The following KNL1 variants were observed in gnomAD, a reference collection of about 807,000 sequenced individuals.
The protein encoded by KNL1 is outer kinetochore KNL1 complex subunit KNL1.
In KNL1, 66 loss-of-function variants were observed where a neutral mutation model predicts 201.3. The ratio of observed to expected loss-of-function variants is 0.33; its 90% CI spans 0.27 to 0.40. KNL1 has a LOEUF of 0.40. Ranked by LOEUF, KNL1 falls within the 10% of genes least tolerant of loss-of-function variation. KNL1 has a pLI of 1.00. For synonymous variants in KNL1, 895 were observed against 899.2 expected (o/e 1.00, Z 0.08); for missense variants, 2,815 against 2,690.5 (o/e 1.05, Z -1.02).
In KNL1 at chr15:40,662,144, C is replaced by A. The variant is rs1435564975; in HGVS notation, c.6907C>A (p.Gln2303Lys). ...ENNYLKNVVK[Q>K]IYQDLFQDCH... ...CAACTACCTGAAGAATGTAGTCAAG[C>A]AAATTTACCAAGATCTGTTTCAGGA... is the stretch of plus-strand genomic sequence containing the variant. Residue 2303 changes from glutamine (Q) to lysine (K), a missense_variant, in exon 26 of 26, where the codon CAA becomes AAA. Coordinates refer to ENST00000399668, the MANE Select transcript of KNL1 (RefSeq NM_144508.5). The A allele has an allele frequency of 1.2e-6, 2 of 1,612,188 alleles. No individual in the cohort carries two copies. The highest frequency in any genetic ancestry group is 1.7e-6 in the Non-Finnish European group (2 of 1,178,404).
chr15:40,600,479 C>T (rs954667246), intron 1 of KNL1, among the ~76,000 whole-genome samples: 1 of 152,174 alleles, frequency 6.6e-6, no homozygotes, highest in Admixed American at 6.6e-5. Flanking sequence ...ATTTTGATCT[C>T]CCATGGTGGG....
intron 22 of KNL1, 146 bp from the exon 23 acceptor site, chr15:40,656,896 A>G (rs1893749840): frequency 4.6e-6 from 2 of 439,330 alleles, no homozygotes; most frequent in African/African-American, 2.0e-5. Flanking sequence ...CCAGAAAAAA[A>G]AAGAAAAAGA....
At chr15:40,608,252 T>A (rs1056810945) in intron 4 of KNL1, among the ~76,000 whole-genome samples, 6 of 151,714 alleles carry the variant, frequency 4.0e-5, no homozygotes, top group African/African-American at 1.5e-4. Context: ...GGCGGGAGGA[T>A]CACTTGAGGT....
chr15:40,622,713 G>A lies in KNL1; in HGVS notation c.2449G>A (p.Gly817Arg). The part of the protein sequence containing the change: ...KCGKSPIEKS[G>R]VLKSNCIMDV... ...TGGTAAAAGTCCCATAGAAAAAAGT[G>A]GAGTGCTTAAATCTAACTGTATTAT... Residue 817 changes from glycine (G) to arginine (R), a missense_variant, in exon 10 of 26, where the codon GGA becomes AGA. Around this residue, in one of 3 missense-constraint regions of KNL1, gnomAD observed 2,464 missense variants for 2,291.7 expected, o/e 1.08. Transcript: ENST00000399668. 6.3e-7 allele frequency: 1 copy of A among 1,591,180 alleles called. No individual in the cohort carries two copies. The highest frequency in any genetic ancestry group is 1.4e-5 in the African/African-American group (1 of 73,676).
At chr15:40,661,737 A>AT (rs1893914056) in intron 25 of KNL1, among the ~76,000 whole-genome samples, 1 of 151,850 alleles carries the variant, frequency 6.6e-6, no homozygotes, top group Admixed American at 6.6e-5. Flanking sequence ...CAAGTGTAAG[A>AT]TTTTTTAAAA....
At chr15:40,629,819 G>A (rs940762967) in intron 13 of KNL1, among the ~76,000 whole-genome samples, 6 of 151,966 alleles carry the variant, frequency 3.9e-5, no homozygotes, top group African/African-American at 1.2e-4. Flanking sequence ...TCTTATAGTA[G>A]AGAGATTTGT....
intron 1 of KNL1, among the ~76,000 whole-genome samples, chr15:40,600,461 G>A (rs759696164): frequency 6.6e-6 from 1 of 152,202 alleles, no homozygotes; most frequent in Non-Finnish European, 1.5e-5. Flanking sequence ...TGCAGGAAAG[G>A]AAGTTAAATT....
Position 40,632,671 on chromosome 15 carries a change from T to C in KNL1, c.5682+3300T>C, listed in dbSNP as rs539368000. On this transcript the variant is annotated intron_variant, in intron 13 of 25. Coordinates refer to ENST00000399668, the MANE Select transcript of KNL1 (RefSeq NM_144508.5). The stretch of plus-strand genomic sequence containing the variant: ...AAAACAGTTGAAATCATACATCTGA[T>C]AAGAAGCTTTATCCAAAATATATAA... Among the ~76,000 whole-genome samples the C allele has an allele frequency of 5.9e-5, 9 of 152,276 alleles. No individual in the cohort carries two copies. The East Asian group carries it at 1.5e-3, about 26-fold the overall frequency.
At chr15:40,655,592 A>G in intron 22 of KNL1, among the ~76,000 whole-genome samples, 1 of 12,186 alleles carries the variant, frequency 8.2e-5, no homozygotes, top group East Asian at 4.3e-4. Flanking sequence ...CTCCATCTCA[A>G]AAAAAAAAAA....
At position 40,624,376 on chromosome 15, in the gene KNL1, T is replaced by C. The variant is rs373019241; in HGVS notation, c.4112T>C (p.Ile1371Thr). 59 of 1,613,994 alleles carry C rather than the reference T, an allele frequency of 3.7e-5. 1 individual carries two copies. In the East Asian group the frequency reaches 6.9e-4, roughly 19 times the overall value. The change falls in exon 10 of 26, where the codon ATT becomes ACT. Residue 1371 changes from isoleucine (I) to threonine (T), a missense_variant. By Grantham distance (89) the Ile-to-Thr change is moderately conservative (BLOSUM62 -1). Coordinates refer to ENST00000399668, the MANE Select transcript of KNL1 (RefSeq NM_144508.5). ...PCPLLEKEEVIQTSTKGQLDC... is the reference protein window; with the variant it reads ...PCPLLEKEEVTQTSTKGQLDC... ...CCTTTGTTAGAGAAGGAAGAAGTTA[T>C]TCAAACCAGTACCAAAGGACAGTTA...
chr15:40,651,412 G>T, intron 19 of KNL1, 59 bp from the exon 20 acceptor site: 1 of 1,111,630 alleles, frequency 9.0e-7, no homozygotes, highest in Non-Finnish European at 1.3e-6. Flanking sequence ...CTTTTATATT[G>T]ATAGAGTGAA....
chr15:40,610,641 G>T (rs531673680), intron 6 of KNL1, among the ~76,000 whole-genome samples: 1 of 152,300 alleles, frequency 6.6e-6, no homozygotes, highest in South Asian at 2.1e-4. Flanking sequence ...AGACTGCAGT[G>T]ATTGCACCAG....
At chr15:40,597,739 A>G (rs1891661549) in intron 1 of KNL1, among the ~76,000 whole-genome samples, 2 of 152,248 alleles carry the variant, frequency 1.3e-5, no homozygotes, top group Non-Finnish European at 2.9e-5. Flanking sequence ...TTTGAATTTT[A>G]TCAGTTAATT....
chr15:40,657,515 A>G, intron 24 of KNL1, 42 bp downstream of exon 24: 1 of 1,031,466 alleles, frequency 9.7e-7, no homozygotes, highest in Non-Finnish European at 1.5e-6. Flanking sequence ...ACAGAGTACT[A>G]CAAATTGGGT....
In KNL1 at chr15:40,623,829, T is replaced by C; in HGVS notation, c.3565T>C (p.Phe1189Leu). The change falls in exon 10 of 26, where the codon TTT (phenylalanine) becomes CTT (leucine). Residue 1189 changes from phenylalanine (F) to leucine (L), a missense_variant. Phe to Leu is a conservative substitution (Grantham distance 22, BLOSUM62 0). This residue lies in a region of KNL1 where 2,464 missense variants were observed against 2,291.7 expected (regional missense o/e 1.08). Coordinates refer to ENST00000399668, the MANE Select transcript of KNL1 (RefSeq NM_144508.5). The part of the protein sequence containing the change: ...TEKILEENPK[F>L]GIGKGKNLGV... ...GAAAATACTTGAAGAAAACCCTAAA[T>C]TTGGAATAGGAAAAGGAAAAAACTT... 1 of 1,613,250 alleles carries C rather than the reference T, an allele frequency of 6.2e-7. No homozygotes were observed. The highest frequency in any genetic ancestry group is 8.5e-7 in the Non-Finnish European group (1 of 1,179,768).
intron 1 of KNL1, among the ~76,000 whole-genome samples, chr15:40,597,955 A>C (rs1891667802): frequency 6.6e-6 from 1 of 152,054 alleles, no homozygotes; most frequent in African/African-American, 2.4e-5. Flanking sequence ...GCAGATCACT[A>C]GGTGAAGAGT....
intron 24 of KNL1, among the ~76,000 whole-genome samples, chr15:40,658,571 A>AT (rs1307618389): frequency 6.7e-6 from 1 of 150,024 alleles, no homozygotes; most frequent in East Asian, 1.9e-4. Context: ...CAAAAAAAAA[A>AT]AAAAAAAAGA....
intron 13 of KNL1, among the ~76,000 whole-genome samples, chr15:40,635,754 G>A (rs538617570): frequency 6.6e-6 from 1 of 152,300 alleles, no homozygotes; most frequent in Non-Finnish European, 1.5e-5. Context: ...CTCAGTTGGC[G>A]GCACTAGCAG....
chr15:40,610,623 G>A (rs1892123403), intron 6 of KNL1, among the ~76,000 whole-genome samples: 1 of 152,188 alleles, frequency 6.6e-6, no homozygotes, highest in Non-Finnish European at 1.5e-5. Context: ...CTTGAGTCCA[G>A]AAGATTGAGA....
Sources: gnomAD v4.1 joint callset for allele counts (sites outside exome capture counted in the v4.1 genomes callset) on GRCh38, gnomAD v4.1.1 for gene constraint, gnomAD v4.1.1 regional missense constraint, MANE v1.5 for transcripts, NCBI Gene and HGNC (gene_info 2026-07-23, HGNC 2026-07-21) for gene names.